SYNPO: variants seen among roughly 807,000 people sequenced by gnomAD.
The protein encoded by SYNPO is synaptopodin.
Under a neutral mutation model 49.5 loss-of-function variants are expected in SYNPO, and 19 were observed. The observed-to-expected ratio is 0.38, with a 90% confidence interval of 0.27 to 0.56. SYNPO has a LOEUF of 0.56. SYNPO is among the 20% of genes least tolerant of loss of function. SYNPO has a pLI of 0.68. For synonymous variants in SYNPO, 536 were observed against 548.0 expected (o/e 0.98, Z 0.31); for missense variants, 1,131 against 1,248.3 (o/e 0.91, Z 1.42).
chr5:150,656,737 GCGCCACCGCCCC>G lies in SYNPO; in HGVS notation c.2367_2378del (p.Pro797_Pro800del), dbSNP rs1280868504. 122 of 1,285,248 alleles carry G rather than the reference GCGCCACCGCCCC, an allele frequency of 9.5e-5. No homozygotes were observed. In the African/African-American group the frequency reaches 1.9e-3, roughly 20 times the overall value. The allele number at this position is 1,285,248 out of a possible 1,614,324, so 79.6% of individuals were successfully genotyped here. A position where few individuals can be genotyped will look rare whatever the true frequency, so the allele number is the denominator to read the frequency against. On this transcript the variant is annotated inframe_deletion, in exon 3 of 3. Transcript: ENST00000307662. ...CCCGCGGCCCTTCTCCCCGCCGAGG[GCGCCACCGCCCC>G]CGCCCCCGCCCCCGCCCCCGCCCCC...
chr5:150,604,471 T>G (rs1561630505), intron 1 of SYNPO, among the ~76,000 whole-genome samples: 1 of 152,206 alleles, frequency 6.6e-6, no homozygotes, highest in Non-Finnish European at 1.5e-5. Flanking sequence ...GATTTCTTTT[T>G]CCTGGGTTTG....
intron 2 of SYNPO, among the ~76,000 whole-genome samples, chr5:150,623,579 C>A (rs908952223): frequency 6.6e-6 from 1 of 151,956 alleles, no homozygotes; most frequent in Non-Finnish European, 1.5e-5. Context: ...AGCAGCCACA[C>A]GATCAGAGGA....
intron 1 of SYNPO, among the ~76,000 whole-genome samples, chr5:150,607,971 T>C (rs568371359): frequency 6.6e-6 from 1 of 152,392 alleles, no homozygotes; most frequent in South Asian, 2.1e-4. Flanking sequence ...CACATCTCAA[T>C]GTGGGCTAGC....
At chr5:150,591,511 T>G in the SYNPO span, among the ~76,000 whole-genome samples, 1 of 152,230 alleles carries the variant, frequency 6.6e-6, no homozygotes, top group Admixed American at 6.5e-5. Context: ...AGAAGCGCCG[T>G]CTCAGATAGC....
chr5:150,612,788 T>C (rs1280314668), intron 1 of SYNPO, among the ~76,000 whole-genome samples: 1 of 152,162 alleles, frequency 6.6e-6, no homozygotes, highest in East Asian at 1.9e-4. Flanking sequence ...TTTTCTTTTT[T>C]CTTTTTTCTG....
At position 150,635,410 on chromosome 5, in the gene SYNPO, A is replaced by G. The variant is rs73276109; in HGVS notation, c.401-12534A>G. Among the ~76,000 whole-genome samples, 1,040 of 152,332 alleles carry G rather than the reference A, an allele frequency of 6.8e-3. 12 individuals carry two copies. Among genetic ancestry groups the G allele is most frequent in the African/African-American group, 0.024 (996 of 41,592 alleles). On this transcript the variant is annotated intron_variant, in intron 2 of 2. Transcript: ENST00000394243. ...ATGTTGCAGGTGTATGTGTGTGTGT[A>G]TGGAAATGGTTGCAATGCAGAGCTC...
At chr5:150,592,032 G>A in the SYNPO span, among the ~76,000 whole-genome samples, 1 of 152,198 alleles carries the variant, frequency 6.6e-6, no homozygotes, top group African/African-American at 2.4e-5. Context: ...GGGCATGGTG[G>A]CGCATGCCTA....
At chr5:150,626,760 CTG>C (rs1757370639) in intron 2 of SYNPO, among the ~76,000 whole-genome samples, 1 of 152,152 alleles carries the variant, frequency 6.6e-6, no homozygotes, top group Non-Finnish European at 1.5e-5. Context: ...ATTGGGGAGA[CTG>C]GGGCCAAGGA....
Position 150,651,493 on chromosome 5 carries a change from G to T in SYNPO, c.2028+1190G>T, listed in dbSNP as rs538016094. The T allele has an allele frequency of 1.0e-4, 102 of 1,000,952 alleles. No homozygotes were observed. In the African/African-American group the frequency reaches 1.7e-3, roughly 17 times the overall value. The allele number at this position is 1,000,952 out of a possible 1,614,324, so 62.0% of individuals were successfully genotyped here. ...CTGGGAAGAAAGAGAAAGGAAATGGGCTATTGCCAAAGGACAGGTGGCGTT... is the reference window on the plus strand; with the variant it reads ...CTGGGAAGAAAGAGAAAGGAAATGGTCTATTGCCAAAGGACAGGTGGCGTT... On this transcript the variant is annotated intron_variant, in intron 2 of 2. Coordinates refer to ENST00000307662, the MANE Select transcript of SYNPO (RefSeq NM_007286.6).
chr5:150,618,704 G>T (rs1472305555), exon 2 of SYNPO: 5 of 1,551,134 alleles, frequency 3.2e-6, no homozygotes, highest in Admixed American at 2.0e-5. Context: ...TGTAGTGAAG[G>T]CCGGGCAGAT....
At chr5:150,609,137 T>G (rs1179224244) in intron 1 of SYNPO, among the ~76,000 whole-genome samples, 7 of 152,236 alleles carry the variant, frequency 4.6e-5, no homozygotes, top group Non-Finnish European at 7.3e-5. Flanking sequence ...GTGGCCCATT[T>G]TAAGCCATTG....
chr5:150,610,297 C>A (rs945760806), intron 1 of SYNPO, among the ~76,000 whole-genome samples: 2 of 152,172 alleles, frequency 1.3e-5, no homozygotes, highest in African/African-American at 2.4e-5. Context: ...CACGGCAGAG[C>A]CAGAGCCAGA....
At chr5:150,596,828 G>T (rs192773845), upstream of SYNPO, among the ~76,000 whole-genome samples, 52 of 152,282 alleles carry the variant, frequency 3.4e-4, no homozygotes, top group African/African-American at 1.1e-3. Context: ...CCCAAGTCAG[G>T]GCAAGGAGGC....
chr5:150,605,258 G>A lies in SYNPO; in HGVS notation c.-266+4070G>A, dbSNP rs144941448. On this transcript the variant is annotated intron_variant, in intron 1 of 2. Transcript: ENST00000394243. ...CCAGGTGGGGCTCTCCCTGAGGCTG[G>A]TCTCAAATCTTGCCATAAACACTAC... Among the ~76,000 whole-genome samples the A allele has an allele frequency of 2.8e-3, 433 of 152,244 alleles. 3 individuals carry two copies. The highest frequency in any genetic ancestry group is 5.4e-3 in the Non-Finnish European group (365 of 68,014).
chr5:150,647,699 C>CAA (rs1309898769), intron 1 of SYNPO, among the ~76,000 whole-genome samples: 2 of 152,116 alleles, frequency 1.3e-5, no homozygotes, highest in East Asian at 3.8e-4. Context: ...AATCAGGGAC[C>CAA]AGTTAATCCT....
chr5:150,606,845 C>T (rs1024849285), intron 1 of SYNPO, among the ~76,000 whole-genome samples: 3 of 152,174 alleles, frequency 2.0e-5, no homozygotes, highest in Admixed American at 6.5e-5. Flanking sequence ...TCTTCCTTTC[C>T]TTGACCTGCC....
At chr5:150,603,001 T>G (rs976451171) in intron 1 of SYNPO, among the ~76,000 whole-genome samples, 84 of 140,438 alleles carry the variant, frequency 6.0e-4, no homozygotes, top group African/African-American at 2.3e-3. Context: ...CCTTAGGGTG[T>G]GTGTGTGTGT....
chr5:150,597,489 G>T (rs747170287), upstream of SYNPO, among the ~76,000 whole-genome samples: 1 of 151,230 alleles, frequency 6.6e-6, no homozygotes, highest in East Asian at 2.0e-4. Context: ...GCGTCACCAC[G>T]CCTGGCTAAT....
Position 150,656,901 on chromosome 5 carries a change from G to A in SYNPO, c.2526G>A (p.Leu842=), listed in dbSNP as rs779222156. The A allele has an allele frequency of 6.3e-7, 1 of 1,576,608 alleles. No individual in the cohort carries two copies. Residue 842 remains leucine (L), a synonymous_variant, in exon 3 of 3, where the codon CTG becomes CTA. Transcript: ENST00000307662. Reference sequence around the variant, plus strand: ...CCTGCACCAGTCCCCGGAGCCCGCTGCCCGCGCCTCCCAGGCCCTTCCTCT... The same window carrying A: ...CCTGCACCAGTCCCCGGAGCCCGCTACCCGCGCCTCCCAGGCCCTTCCTCT... ...PSSCTSPRSP[L]PAPPRPFLYR...
Sources: allele counts gnomAD v4.1 joint callset (sites outside exome capture counted in the v4.1 genomes callset), GRCh38; gene constraint gnomAD v4.1.1; transcripts MANE v1.5; gene names NCBI Gene and HGNC (gene_info 2026-07-23, HGNC 2026-07-21).